Variants in EFNA5 observed in about 807,000 individuals in gnomAD.
EFNA5 encodes ephrin A5.
A neutral mutation model predicts 22.9 loss-of-function variants in EFNA5; 5 were observed. The observed-to-expected ratio is 0.22, with a 90% CI of 0.11 to 0.46. The LOEUF (loss-of-function observed/expected upper bound fraction) is 0.46. Ranked by LOEUF, EFNA5 falls within the 20% of genes least tolerant of loss-of-function variation. The pLI is 0.99. For synonymous variants in EFNA5, 113 were observed against 112.2 expected, an observed-to-expected ratio of 1.01 and a Z score of -0.04; for missense variants, 237 against 293.3, an observed-to-expected ratio of 0.81 and a Z score of 1.40.
chr5:107,559,751 T>G (rs1356948227), intron 1 of EFNA5, among the ~76,000 whole-genome samples: 1 of 152,136 alleles, frequency 6.6e-6, no homozygotes, highest in Non-Finnish European at 1.5e-5. Context: ...GGAGTAAAAT[T>G]GCTGAAAGAA....
At chr5:107,658,778 C>T (rs1483901026) in intron 1 of EFNA5, among the ~76,000 whole-genome samples, 2 of 152,108 alleles carry the variant, frequency 1.3e-5, no homozygotes, top group African/African-American at 2.4e-5. Flanking sequence ...CCTATGTAGC[C>T]CAGACCCACT....
intron 2 of EFNA5, among the ~76,000 whole-genome samples, chr5:107,392,405 C>G (rs1747812167): frequency 6.6e-6 from 1 of 152,140 alleles, no homozygotes; most frequent in Admixed American, 6.6e-5. Context: ...TGGAGAGGAC[C>G]ATGTAGCAAG....
At chr5:107,494,338 G>A (rs997833500) in intron 1 of EFNA5, among the ~76,000 whole-genome samples, 10 of 152,222 alleles carry the variant, frequency 6.6e-5, no homozygotes, top group Non-Finnish European at 1.2e-4. Flanking sequence ...CCTGCACTGG[G>A]AGCAGCCGGC....
chr5:107,622,554 C>T (rs922214590), intron 1 of EFNA5, among the ~76,000 whole-genome samples: 5 of 152,104 alleles, frequency 3.3e-5, no homozygotes, highest in African/African-American at 1.2e-4. Context: ...TAATGGCTAC[C>T]ACTTACTGAA....
chr5:107,613,299 A>G (rs182517702), intron 1 of EFNA5, among the ~76,000 whole-genome samples: 3 of 152,264 alleles, frequency 2.0e-5, no homozygotes, highest in Admixed American at 6.5e-5. Context: ...ATTTTTTAAT[A>G]TCATCTAAGT....
intron 2 of EFNA5, among the ~76,000 whole-genome samples, chr5:107,419,122 C>T (rs1748586821): frequency 6.6e-6 from 1 of 152,216 alleles, no homozygotes. Context: ...TGAGCTGATG[C>T]TGCGTATGCA....
chr5:107,520,107 T>A (rs953070348), intron 1 of EFNA5, among the ~76,000 whole-genome samples: 1 of 152,192 alleles, frequency 6.6e-6, no homozygotes, highest in Non-Finnish European at 1.5e-5. Flanking sequence ...GAAAGACAGA[T>A]GTGAAGGCTG....
At chr5:107,501,104 A>T (rs1046571278) in intron 1 of EFNA5, among the ~76,000 whole-genome samples, 1 of 152,198 alleles carries the variant, frequency 6.6e-6, no homozygotes, top group African/African-American at 2.4e-5. Context: ...AGTATAAACT[A>T]ATATGAGGAC....
At chr5:107,630,880 T>TA (rs1358311336) in intron 1 of EFNA5, among the ~76,000 whole-genome samples, 8 of 152,254 alleles carry the variant, frequency 5.3e-5, no homozygotes, top group African/African-American at 1.9e-4. Flanking sequence ...AAACTTTTGT[T>TA]AAAAACGAAG....
intron 1 of EFNA5, among the ~76,000 whole-genome samples, chr5:107,461,890 G>A (rs781617121): frequency 9.2e-5 from 14 of 152,140 alleles, no homozygotes; most frequent in African/African-American, 1.4e-4. Context: ...GCTTAACTGA[G>A]TTATGAAGTT....
chr5:107,530,241 T>C (rs1054257426), intron 1 of EFNA5, among the ~76,000 whole-genome samples: 7 of 152,230 alleles, frequency 4.6e-5, no homozygotes, highest in Non-Finnish European at 1.0e-4. Context: ...AGACAACTGC[T>C]ATCTTGAAAG....
At chr5:107,426,914 T>G (rs1002775862) in intron 2 of EFNA5, 5 of 284,324 alleles carry the variant, frequency 1.8e-5, no homozygotes, top group South Asian at 6.7e-5. Context: ...TTTTCAGGAG[T>G]CTTTTTTTCT....
intron 1 of EFNA5, among the ~76,000 whole-genome samples, chr5:107,550,164 T>G (rs1163422403): frequency 2.0e-5 from 3 of 152,196 alleles, no homozygotes; most frequent in Non-Finnish European, 4.4e-5. Context: ...TTAGATGTGC[T>G]CAGATTTCTG....
chr5:107,409,092 T>C (rs765084551), intron 2 of EFNA5, among the ~76,000 whole-genome samples: 15 of 152,126 alleles, frequency 9.9e-5, no homozygotes, highest in Non-Finnish European at 1.9e-4. Context: ...CCCTTGGCAA[T>C]CTGGATACAC....
intron 1 of EFNA5, among the ~76,000 whole-genome samples, chr5:107,570,042 G>A (rs73198662): frequency 0.027 from 4,146 of 152,114 alleles, 188 homozygotes; most frequent in African/African-American, 0.092. Flanking sequence ...GACATAGCAT[G>A]ACCAAGACCT....
intron 1 of EFNA5, among the ~76,000 whole-genome samples, chr5:107,561,001 A>G (rs924161466): frequency 9.9e-5 from 15 of 152,190 alleles, no homozygotes; most frequent in African/African-American, 3.6e-4. Flanking sequence ...GAGACATGAG[A>G]CTTTATCCAT....
chr5:107,427,536 A>G (rs1480830847), intron 1 of EFNA5, 27 bp from the exon 2 acceptor site: 7 of 1,561,062 alleles, frequency 4.5e-6, no homozygotes, highest in Middle Eastern at 1.9e-4. Flanking sequence ...AAAAAATGTG[A>G]TAATTCATAG....
At chr5:107,575,495 T>C (rs1405074949) in intron 1 of EFNA5, among the ~76,000 whole-genome samples, 1 of 152,164 alleles carries the variant, frequency 6.6e-6, no homozygotes, top group South Asian at 2.1e-4. Flanking sequence ...ATAAAATGTG[T>C]TAGAGATACT....
intron 2 of EFNA5, among the ~76,000 whole-genome samples, chr5:107,409,137 G>T (rs1449734442): frequency 2.0e-5 from 3 of 152,164 alleles, no homozygotes; most frequent in South Asian, 4.1e-4. Context: ...ATGCAAGACA[G>T]TTCAAAAAGC....
Sources: gnomAD v4.1 joint callset for allele counts (sites outside exome capture counted in the v4.1 genomes callset) on GRCh38, gnomAD v4.1.1 for gene constraint, MANE v1.5 for transcripts, NCBI Gene and HGNC (gene_info 2026-07-23, HGNC 2026-07-21) for gene names.